Variants in C2CD2 observed in about 807,000 individuals in gnomAD.
C2CD2 encodes the protein C2 calcium dependent domain containing 2.
In C2CD2, 43 loss-of-function variants were observed where a neutral mutation model predicts 74.3. That is an observed-to-expected ratio of 0.58 (90% CI 0.45 to 0.75). The LOEUF is 0.75. C2CD2 is among the 30% of genes least tolerant of loss of function. The pLI is 0.00. For missense variants in C2CD2, 801 were observed against 916.3 expected, an observed-to-expected ratio of 0.87 and a Z score of 1.63; for synonymous variants, 422 against 390.7, an observed-to-expected ratio of 1.08 and a Z score of -0.94.
intron 5 of C2CD2, among the ~76,000 whole-genome samples, chr21:41,915,116 T>C (rs899865665): frequency 6.6e-6 from 1 of 152,330 alleles, no homozygotes; most frequent in Middle Eastern, 3.4e-3. Flanking sequence ...CGGGCACTCA[T>C]GGCCTGCTAG....
chr21:41,896,392 G>C (rs1408589937), intron 13 of C2CD2, among the ~76,000 whole-genome samples: 2 of 152,078 alleles, frequency 1.3e-5, no homozygotes, highest in Non-Finnish European at 2.9e-5. Context: ...AGGATATTTG[G>C]CAAGGTTTCT....
At chr21:41,952,864 A>C (rs1569086560) in intron 1 of C2CD2, 2 of 152,822 alleles carry the variant, frequency 1.3e-5, no homozygotes, top group African/African-American at 4.8e-5. Context: ...CCTCGGTAGG[A>C]TGTCTGCCCA....
In C2CD2 at chr21:41,907,794, T is replaced by C. The variant is rs201590687; in HGVS notation, c.1019-10A>G. 4.0e-5 allele frequency: 65 copies of C among 1,613,926 alleles called. 1 individual carries two copies. In the African/African-American group the frequency reaches 4.3e-4, roughly 11 times the overall value. On this transcript the variant is annotated splice_polypyrimidine_tract_variant and intron_variant, in intron 8 of 13. Coordinates refer to ENST00000380486, the MANE Select transcript of C2CD2 (RefSeq NM_015500.2). ...GCCGTCGCCAGCAGACCTGAAAAGA[T>C]AGGAGACAGGCAAGGGGTGCCGCTG...
chr21:41,892,140 G>A lies in C2CD2; in HGVS notation c.1871-2796C>T, dbSNP rs59247555. On this transcript the variant is annotated intron_variant, in intron 13 of 13. Transcript: ENST00000380486. The surrounding 1 kb of genome is among the most constrained non-coding windows in gnomAD (Gnocchi z 4.6). ...TATGCCTGCTGTCCTTATCAAAAGG[G>A]GAAATTTAGACACAGAGACAGACAC... is the stretch of plus-strand genomic sequence containing the variant. Among the ~76,000 whole-genome samples, 1,776 of 152,308 alleles carry A rather than the reference G, an allele frequency of 0.012. 34 individuals are homozygous for A. The highest frequency in any genetic ancestry group is 0.041 in the African/African-American group (1,687 of 41,562).
At chr21:41,935,875 T>C (rs2065303037) in intron 2 of C2CD2, among the ~76,000 whole-genome samples, 1 of 152,082 alleles carries the variant, frequency 6.6e-6, no homozygotes, top group Admixed American at 6.6e-5. Context: ...TGAATGGTGC[T>C]GGGAAAACTG....
Position 41,889,243 on chromosome 21 carries a change from G to T in C2CD2, c.1972C>A (p.Gln658Lys), listed in dbSNP as rs751616270. ...QSHNDLVFLE[Q>K]PEGSRRKGIT... ...CCTTTCCTCCGGGAACCCTCTGGCT[G>T]CTCCAGGAACACAAGGTCATTGTGT... Residue 658 changes from glutamine to lysine, a missense_variant, in exon 14 of 14, where the codon CAG (glutamine) becomes AAG (lysine). Coordinates refer to ENST00000380486, the MANE Select transcript of C2CD2 (RefSeq NM_015500.2). The T allele has an allele frequency of 1.9e-6, 3 of 1,614,008 alleles. No homozygotes were observed. In the Admixed American group the frequency reaches 5.0e-5, roughly 27 times the overall value.
intron 3 of C2CD2, among the ~76,000 whole-genome samples, chr21:41,919,472 G>A (rs2065132078): frequency 6.6e-6 from 1 of 152,202 alleles, no homozygotes; most frequent in Non-Finnish European, 1.5e-5. Flanking sequence ...CAGCATTGGT[G>A]GTCGACAACC....
chr21:41,908,605 A>C (rs1353676912), intron 8 of C2CD2: 1 of 152,188 alleles, frequency 6.6e-6, no homozygotes, highest in African/African-American at 2.4e-5. Context: ...TCCAAAATCA[A>C]GGAAGTCGCC....
chr21:41,913,157 GA>G (rs1480708922), intron 6 of C2CD2, among the ~76,000 whole-genome samples: 4 of 152,190 alleles, frequency 2.6e-5, no homozygotes, highest in African/African-American at 9.6e-5. Context: ...CCTAAATTTG[GA>G]AATATACCTC....
chr21:41,913,703 C>T (rs536699579), intron 6 of C2CD2, among the ~76,000 whole-genome samples: 21 of 152,242 alleles, frequency 1.4e-4, no homozygotes, highest in Non-Finnish European at 2.4e-4. Flanking sequence ...AGATAAGTCA[C>T]CTTTAACATA....
At chr21:41,948,870 C>CTTTTAT (rs1339605498) in intron 1 of C2CD2, among the ~76,000 whole-genome samples, 3 of 80,686 alleles carry the variant, frequency 3.7e-5, no homozygotes, top group African/African-American at 1.3e-4. Context: ...CACACAGCAT[C>CTTTTAT]TTTTTTTTTT....
At position 41,932,627 on chromosome 21, in the gene C2CD2, A is replaced by G. The variant is rs1271425357; in HGVS notation, c.378+9520T>C. 2.7e-5 allele frequency among the ~76,000 whole-genome samples: 4 copies of G among 150,532 alleles called. 1 individual carries two copies. Among genetic ancestry groups the G allele is most frequent in the Non-Finnish European group, 6.0e-5 (4 of 67,148 alleles). On this transcript the variant is annotated intron_variant, in intron 2 of 13. Coordinates refer to ENST00000380486, the MANE Select transcript of C2CD2 (RefSeq NM_015500.2). Reference sequence around the variant, plus strand: ...TTGAAGAACTGATAATCGGTGTGAGAAAAACCCCCACACATTTGGTGTCCA... The same window carrying G: ...TTGAAGAACTGATAATCGGTGTGAGGAAAACCCCCACACATTTGGTGTCCA...
At chr21:41,907,274 CCTTAAGGTCA>C in intron 9 of C2CD2, 108 bp from the exon 10 acceptor site, 1 of 899,274 alleles carries the variant, frequency 1.1e-6, no homozygotes, top group Non-Finnish European at 1.8e-6. Flanking sequence ...TAATTCCTTC[CCTTAAGGTCA>C]CTTAGCATCT....
chr21:41,921,639 G>A (rs1489863669), intron 3 of C2CD2, among the ~76,000 whole-genome samples: 7 of 152,150 alleles, frequency 4.6e-5, no homozygotes, highest in African/African-American at 7.2e-5. Context: ...CGCTGGATTC[G>A]GAACCAGAAC....
chr21:41,931,757 G>A (rs2065263263), intron 2 of C2CD2, among the ~76,000 whole-genome samples: 1 of 150,048 alleles, frequency 6.7e-6, no homozygotes, highest in Non-Finnish European at 1.5e-5. Context: ...GGCTGTTGGG[G>A]GGGACCCCAG....
chr21:41,911,258 T>A (rs953749367), intron 7 of C2CD2, among the ~76,000 whole-genome samples: 5 of 152,160 alleles, frequency 3.3e-5, no homozygotes, highest in Admixed American at 2.6e-4. Context: ...CACACATACA[T>A]CCTTACATTC....
At chr21:41,933,798 G>A (rs1211244599) in intron 2 of C2CD2, among the ~76,000 whole-genome samples, 4 of 152,172 alleles carry the variant, frequency 2.6e-5, no homozygotes, top group African/African-American at 7.2e-5. Context: ...GAGGGAACCC[G>A]TCTACTCAAC....
At chr21:41,930,511 G>A (rs1158142319) in intron 2 of C2CD2, among the ~76,000 whole-genome samples, 1 of 149,820 alleles carries the variant, frequency 6.7e-6, no homozygotes, top group East Asian at 2.0e-4. Flanking sequence ...GACCATCCTG[G>A]CTAACATGGT....
intron 4 of C2CD2, 83 bp downstream of exon 4, chr21:41,918,773 G>A: frequency 9.6e-7 from 1 of 1,038,956 alleles, no homozygotes; most frequent in Non-Finnish European, 1.5e-6. Context: ...CACCAGCCAT[G>A]CACTCAGTTC....
Sources: allele counts gnomAD v4.1 joint callset (sites outside exome capture counted in the v4.1 genomes callset), GRCh38; gene constraint gnomAD v4.1.1; non-coding constraint Gnocchi (gnomAD v3.1); transcripts MANE v1.5; gene names NCBI Gene and HGNC (gene_info 2026-07-23, HGNC 2026-07-21).